The following FANCA variants were observed in gnomAD, a reference collection of about 807,000 sequenced individuals.
FANCA encodes Fanconi anemia group A protein.
A neutral mutation model predicts 194.3 loss-of-function variants in FANCA; 236 were observed. The ratio of observed to expected loss-of-function variants is 1.21; its 90% CI spans 1.09 to 1.35. The LOEUF (loss-of-function observed/expected upper bound fraction) is 1.35, where lower values mean the gene tolerates loss of function less well. Among genes scored for constraint, FANCA ranks in the 40% most tolerant of loss-of-function variants. The probability of loss-of-function intolerance (pLI) is 0.00; values close to 1 mark genes in which losing one functional copy is unlikely to be tolerated. For missense variants in FANCA, 2,628 were observed against 1,813.9 expected (o/e 1.45, Z -8.15); for synonymous variants, 1,014 against 715.8 (o/e 1.42, Z -6.65).
rs995081414 is a variant in FANCA, at chr16:89,779,815, G to A, written c.1715+54C>T. On this transcript the variant is annotated intron_variant, in intron 18 of 42. Coordinates refer to ENST00000389301, the MANE Select transcript of FANCA (RefSeq NM_000135.4). ...GTCTGCACATACTGCAGGCATCAGAGCGCGGTCTGCACACACTGCAGCTGC... is the reference window on the plus strand; with the variant it reads ...GTCTGCACATACTGCAGGCATCAGAACGCGGTCTGCACACACTGCAGCTGC... 1.9e-5 allele frequency: 28 copies of A among 1,454,508 alleles called. No individual in the cohort carries two copies. In the African/African-American group the frequency reaches 3.9e-4, roughly 20 times the overall value. 90.1% of individuals were successfully genotyped at this position (1,454,508 alleles called of 1,614,324 possible).
chr16:89,810,340 A>G (rs1048786800), intron 5 of FANCA, among the ~76,000 whole-genome samples: 3 of 149,570 alleles, frequency 2.0e-5, no homozygotes, highest in African/African-American at 7.4e-5. Context: ...AAAAAAAAAG[A>G]CCAGCCTGGG....
At chr16:89,745,202 C>A in intron 35 of FANCA, 131 bp from the exon 36 acceptor site, 1 of 822,850 alleles carries the variant, frequency 1.2e-6, no homozygotes. Flanking sequence ...CTCTGGAACT[C>A]CAAAGCCAGT....
Position 89,808,296 on chromosome 16 carries a change from T to C in FANCA, c.594A>G (p.Glu198=). The C allele has an allele frequency of 6.2e-7, 1 of 1,613,918 alleles. No individual in the cohort carries two copies. Among genetic ancestry groups the C allele is most frequent in the Non-Finnish European group, 8.5e-7 (1 of 1,179,816 alleles). Residue 198 remains glutamate, a splice_region_variant and synonymous_variant, in exon 6 of 43, where the codon GAA becomes GAG. Transcript: ENST00000389301. ...CTGAATCATCATTAGCACGCTACCT[T>C]TCCAGCAGCTCTTGCAGGCTCACAA... ...QGIVSLQELL[E]SHPDMHAVGS...
chr16:89,815,116 G>A (rs954547397), intron 2 of FANCA, among the ~76,000 whole-genome samples: 1 of 151,800 alleles, frequency 6.6e-6, no homozygotes, highest in Middle Eastern at 3.4e-3. Context: ...CACTCACGGC[G>A]ACCTCCACCT....
At chr16:89,749,971 A>G in intron 31 of FANCA, 69 bp from the exon 32 acceptor site, 1 of 1,555,094 alleles carries the variant, frequency 6.4e-7, no homozygotes, top group South Asian at 1.1e-5. Flanking sequence ...GGGGACCCAG[A>G]CGTCAGGGGT....
chr16:89,778,758 G>A (rs752375947), intron 20 of FANCA, 43 bp downstream of exon 20: 3 of 1,575,922 alleles, frequency 1.9e-6, no homozygotes, highest in South Asian at 1.1e-5. Flanking sequence ...ATTGTCAGAA[G>A]AAACCTGGAA....
chr16:89,790,719 G>A (rs1444055580), intron 14 of FANCA, among the ~76,000 whole-genome samples: 3 of 149,938 alleles, frequency 2.0e-5, no homozygotes, highest in Non-Finnish European at 3.0e-5. Context: ...TAGCCTGGGC[G>A]ACAGAGGAAG....
At chr16:89,753,220 G>A (rs2038657676) in intron 30 of FANCA, among the ~76,000 whole-genome samples, 1 of 152,208 alleles carries the variant, frequency 6.6e-6, no homozygotes, top group South Asian at 2.1e-4. Context: ...TGACCCACGT[G>A]ACCTTACCTA....
Position 89,738,418 on chromosome 16 carries a change from G to C in FANCA, c.*183C>G, listed in dbSNP as rs950493395. Reference sequence around the variant, plus strand: ...GCCTTCCTCTGCTCTGGGACCAGTGGTTTATTTTCCCGCAAACGCTGAGTG... The same window carrying C: ...GCCTTCCTCTGCTCTGGGACCAGTGCTTTATTTTCCCGCAAACGCTGAGTG... On this transcript the variant is annotated 3_prime_UTR_variant, in exon 43 of 43. Transcript: ENST00000389301. 3 of 1,376,572 alleles carry C rather than the reference G, an allele frequency of 2.2e-6. No homozygotes were observed. The highest frequency in any genetic ancestry group is 3.0e-6 in the Non-Finnish European group (3 of 1,015,170). 85.3% of individuals were successfully genotyped at this position (1,376,572 alleles called of 1,614,324 possible).
At position 89,769,989 on chromosome 16, in the gene FANCA, C is replaced by G; in HGVS notation, c.2352G>C (p.Leu784Phe). Residue 784 changes from leucine to phenylalanine, a missense_variant, in exon 26 of 43, where the codon TTG (leucine) becomes TTC (phenylalanine). Transcript: ENST00000389301. Reference protein sequence around the residue: ...PSLSAPHVLGLAALAVHLGES... With the variant: ...PSLSAPHVLGFAALAVHLGES... ...CACCCAGGTGCACGGCCAGGGCAGC[C>G]AACCCCAGCACATGTGGGGCACTCA... 1.2e-6 allele frequency: 2 copies of G among 1,613,864 alleles called. No homozygotes were observed. Among genetic ancestry groups the G allele is most frequent in the Non-Finnish European group, 1.7e-6 (2 of 1,180,014 alleles).
chr16:89,777,345 G>A (rs917891689), intron 20 of FANCA, among the ~76,000 whole-genome samples: 1 of 152,296 alleles, frequency 6.6e-6, no homozygotes, highest in East Asian at 1.9e-4. Flanking sequence ...CTGCACCGCT[G>A]CATTCCAGCC....
At position 89,805,313 on chromosome 16, in the gene FANCA, G is replaced by C. The variant is rs1598177148; in HGVS notation, c.676C>G (p.Gln226Glu). ...ATGGCCCTGGCGACGTCAGCATGCT[G>C]GCAGGATGCTTCCATCTGTTCACAA... ...CLCEQMEASC[Q>E]HADVARAMLS... Residue 226 changes from glutamine to glutamate, a missense_variant, in exon 7 of 43, where the codon CAG becomes GAG. By Grantham distance (29) the Gln-to-Glu change is conservative. Transcript: ENST00000389301. 1 of 1,613,882 alleles carries C rather than the reference G, an allele frequency of 6.2e-7. No homozygotes were observed. The highest frequency in any genetic ancestry group is 2.2e-5 in the East Asian group (1 of 44,898).
chr16:89,815,657 G>GT (rs1237159167), intron 2 of FANCA, among the ~76,000 whole-genome samples: 3 of 151,998 alleles, frequency 2.0e-5, no homozygotes, highest in Non-Finnish European at 2.9e-5. Context: ...CGCCCGGCCT[G>GT]TTTTTTTGTT....
intron 20 of FANCA, among the ~76,000 whole-genome samples, chr16:89,777,759 C>A (rs1480485916): frequency 6.6e-6 from 1 of 152,108 alleles, no homozygotes; most frequent in Non-Finnish European, 1.5e-5. Context: ...ACAATAACTT[C>A]CAGGTCTACT....
At chr16:89,797,189 G>A (rs530255728) in intron 10 of FANCA, among the ~76,000 whole-genome samples, 2 of 152,074 alleles carry the variant, frequency 1.3e-5, no homozygotes, top group East Asian at 1.9e-4. Context: ...AAATTAGCCA[G>A]GCATGGTGGC....
At chr16:89,739,680 A>G in intron 39 of FANCA, 127 bp from the exon 40 acceptor site, 1 of 1,515,908 alleles carries the variant, frequency 6.6e-7, no homozygotes, top group Non-Finnish European at 8.9e-7. Flanking sequence ...TGGGGCGAAC[A>G]GCCTGAGCTG....
chr16:89,762,859 T>G (rs2038998165), intron 28 of FANCA: 3 of 381,950 alleles, frequency 7.9e-6, no homozygotes. Context: ...TCCCAGCACT[T>G]TGGGAGGCCG....
rs542976313 is a variant in FANCA at position 89,787,991 on chromosome 16, G to A, written c.1360-3027C>T. 7.3e-5 allele frequency among the ~76,000 whole-genome samples: 11 copies of A among 151,608 alleles called. No homozygotes were observed. The South Asian group carries it at 2.3e-3, about 32-fold the overall frequency. Reference sequence around the variant, plus strand: ...CGGGTTCAAGGAATTCTCCTGCCTCGGCCTTCTGAGTAGCTGGGATTACAG... The same window carrying A: ...CGGGTTCAAGGAATTCTCCTGCCTCAGCCTTCTGAGTAGCTGGGATTACAG... On this transcript the variant is annotated intron_variant, in intron 14 of 42. Coordinates refer to ENST00000389301, the MANE Select transcript of FANCA (RefSeq NM_000135.4).
In FANCA at chr16:89,791,426, G is replaced by A. The variant is rs762365764; in HGVS notation, c.1336C>T (p.Leu446=). The change falls in exon 14 of 43, where the codon CTG becomes TTG. Residue 446 remains leucine, a synonymous_variant. Coordinates refer to ENST00000389301, the MANE Select transcript of FANCA (RefSeq NM_000135.4). ...ACCTTGAACCAGTCTGCATATGACAGGAACGCAGAGGGGCCCTCCAGTGCT... is the reference window on the plus strand; with the variant it reads ...ACCTTGAACCAGTCTGCATATGACAAGAACGCAGAGGGGCCCTCCAGTGCT... The part of the protein sequence containing the change: ...QAALEGPSAF[L]SYADWFKASF... 1 of 1,613,978 alleles carries A rather than the reference G, an allele frequency of 6.2e-7. No individual in the cohort carries two copies. Among genetic ancestry groups the A allele is most frequent in the African/African-American group, 1.3e-5 (1 of 74,948 alleles).
Sources: allele counts gnomAD v4.1 joint callset (sites outside exome capture counted in the v4.1 genomes callset), GRCh38; gene constraint gnomAD v4.1.1; transcripts MANE v1.5; gene names NCBI Gene and HGNC (gene_info 2026-07-23, HGNC 2026-07-21).